The following MAP2K5 variants were observed in gnomAD, a reference collection of about 807,000 sequenced individuals.
The protein encoded by MAP2K5 is mitogen-activated protein kinase kinase 5.
In MAP2K5, 49 loss-of-function variants were observed where a neutral mutation model predicts 83.1. That is an observed-to-expected ratio of 0.59 (90% CI 0.47 to 0.75). The LOEUF is 0.75. Among genes scored for constraint, MAP2K5 ranks in the 30% least tolerant of loss-of-function variants. The pLI is 0.00. For synonymous variants in MAP2K5, 202 were observed against 191.8 expected (o/e 1.05, Z -0.44); for missense variants, 457 against 557.5 (o/e 0.82, Z 1.82).
At position 67,778,754 on chromosome 15, in the gene MAP2K5, C is replaced by A. The variant is rs1328634177; in HGVS notation, c.1242+6002C>A. On this transcript the variant is annotated intron_variant, in intron 21 of 21. Transcript: ENST00000178640. This position sits in a 1 kb window ranked among gnomAD's most constrained non-coding sequence, Gnocchi z 5.0. ...AATTCAAAATGATCACCACATTCTACTAAACATGCCAAAGATAAGTTTCGG... is the reference window on the plus strand; with the variant it reads ...AATTCAAAATGATCACCACATTCTAATAAACATGCCAAAGATAAGTTTCGG... Among the ~76,000 whole-genome samples, 1 of 152,190 alleles carries A rather than the reference C, an allele frequency of 6.6e-6. No individual in the cohort carries two copies. The highest frequency in any genetic ancestry group is 1.5e-5 in the Non-Finnish European group (1 of 68,028).
At chr15:67,547,479 A>T (rs1361533924) in intron 1 of MAP2K5, among the ~76,000 whole-genome samples, 2 of 143,644 alleles carry the variant, frequency 1.4e-5, no homozygotes, top group Non-Finnish European at 3.0e-5. Flanking sequence ...TTTTTGAGAC[A>T]GAGTCTCGCT....
Position 67,768,049 on chromosome 15 carries a change from G to A in MAP2K5, c.1135-1553G>A, listed in dbSNP as rs968605658. Among the ~76,000 whole-genome samples the A allele has an allele frequency of 2.0e-5, 3 of 151,958 alleles. No individual in the cohort carries two copies. The highest frequency in any genetic ancestry group is 6.6e-5 in the Admixed American group (1 of 15,258). On this transcript the variant is annotated intron_variant, in intron 19 of 21. Coordinates refer to ENST00000178640, the MANE Select transcript of MAP2K5 (RefSeq NM_145160.3). This position sits in a 1 kb window ranked among gnomAD's most constrained non-coding sequence, Gnocchi z 4.0. ...ATGTTTCTTTTCTTGTAGCCTCTTC[G>A]GTGTTTTTTGTTGTCTGTTTTTTGT... is the stretch of plus-strand genomic sequence containing the variant.
chr15:67,757,639 C>G lies in MAP2K5; in HGVS notation c.1134+9038C>G, dbSNP rs953991973. On this transcript the variant is annotated intron_variant, in intron 19 of 21. Transcript: ENST00000178640. The surrounding 1 kb of genome is among the most constrained non-coding windows in gnomAD (Gnocchi z 4.9). ...TTTCCACCATTAAAGAGCAGCTACC[C>G]TAGTCAGGGAGGCAGACAAGTAAAC... Among the ~76,000 whole-genome samples the G allele has an allele frequency of 1.4e-4, 22 of 152,044 alleles. 1 individual carries two copies. The highest frequency in any genetic ancestry group is 1.5e-5 in the Non-Finnish European group (1 of 68,024).
chr15:67,590,945 A>G (rs748732721), intron 6 of MAP2K5, among the ~76,000 whole-genome samples: 9 of 152,196 alleles, frequency 5.9e-5, no homozygotes, highest in Non-Finnish European at 1.3e-4. Flanking sequence ...CTGTGTTCTC[A>G]GGGAGCTCCC....
chr15:67,804,418 C>T (rs1185115550), intron 21 of MAP2K5, among the ~76,000 whole-genome samples: 1 of 152,218 alleles, frequency 6.6e-6, no homozygotes, highest in Non-Finnish European at 1.5e-5. Context: ...TACAACATGC[C>T]TCAGCAGCAG....
chr15:67,718,712 C>T (rs957897889), intron 16 of MAP2K5, among the ~76,000 whole-genome samples: 4 of 152,034 alleles, frequency 2.6e-5, no homozygotes, highest in Non-Finnish European at 4.4e-5. Context: ...TGCAGTGAGC[C>T]GAGATCATGC....
chr15:67,806,965 C>T lies in MAP2K5; in HGVS notation c.*215C>T. ...CCCCATACCTTCTGGTTTGAAGGCGCTGACACTGGCAGAGAGGTAAAGGGT... is the reference window on the plus strand; with the variant it reads ...CCCCATACCTTCTGGTTTGAAGGCGTTGACACTGGCAGAGAGGTAAAGGGT... On this transcript the variant is annotated 3_prime_UTR_variant, in exon 22 of 22. Transcript: ENST00000178640. The T allele has an allele frequency of 2.6e-6, 4 of 1,535,768 alleles. No homozygotes were observed. Among genetic ancestry groups the T allele is most frequent in the Non-Finnish European group, 3.5e-6 (4 of 1,146,366 alleles).
rs145461029 is a variant in MAP2K5, at chr15:67,804,857, C to T, written c.1243-1789C>T. Among the ~76,000 whole-genome samples, 475 of 152,276 alleles carry T rather than the reference C, an allele frequency of 3.1e-3. 2 individuals carry two copies. Among genetic ancestry groups the T allele is most frequent in the African/African-American group, 0.011 (457 of 41,554 alleles). On this transcript the variant is annotated intron_variant, in intron 21 of 21. Transcript: ENST00000178640. ...GGAAGGATTTCCTCTGTCTAGGCAG[C>T]GATTTGGGAAAGCAGCCGTGGGGTG...
At chr15:67,639,030 G>A (rs2086659943) in intron 9 of MAP2K5, among the ~76,000 whole-genome samples, 1 of 152,112 alleles carries the variant, frequency 6.6e-6, no homozygotes, top group Non-Finnish European at 1.5e-5. Context: ...AACCCTGGAA[G>A]GCAACCTAGG....
At chr15:67,597,742 A>G (rs1283878268) in intron 7 of MAP2K5, among the ~76,000 whole-genome samples, 1 of 152,160 alleles carries the variant, frequency 6.6e-6, no homozygotes, top group Non-Finnish European at 1.5e-5. Context: ...AGCCCATTTG[A>G]TAAGAGATAT....
At chr15:67,544,251 C>T (rs72747493) in intron 1 of MAP2K5, among the ~76,000 whole-genome samples, 18,499 of 152,172 alleles carry the variant, frequency 0.12, 1,234 homozygotes, top group East Asian at 0.2. Flanking sequence ...AAATGCTAAC[C>T]ATGACAGTAT....
Position 67,668,062 on chromosome 15 carries a change from T to C in MAP2K5, c.847+3417T>C, listed in dbSNP as rs909178924. ...GGAAATTGAAGCACAGCAGTTGCTA[T>C]TCATAATGGATCATCAAATGTTATA... On this transcript the variant is annotated intron_variant, in intron 13 of 21. Transcript: ENST00000178640. This position sits in a 1 kb window ranked among gnomAD's most constrained non-coding sequence, Gnocchi z 4.0. 6.6e-6 allele frequency among the ~76,000 whole-genome samples: 1 copy of C among 152,212 alleles called. No homozygotes were observed. Among genetic ancestry groups the C allele is most frequent in the African/African-American group, 2.4e-5 (1 of 41,464 alleles).
intron 8 of MAP2K5, among the ~76,000 whole-genome samples, chr15:67,614,217 A>G (rs1383556178): frequency 4.6e-5 from 7 of 152,220 alleles, no homozygotes; most frequent in African/African-American, 1.7e-4. Context: ...TTCCTTGTCT[A>G]TAAAGTGGTG....
intron 21 of MAP2K5, among the ~76,000 whole-genome samples, chr15:67,788,339 C>T (rs780239184): frequency 5.3e-5 from 8 of 152,202 alleles, no homozygotes; most frequent in Non-Finnish European, 8.8e-5. Context: ...CACTCACCTC[C>T]TTGTATCACT....
rs201575748 is a variant in MAP2K5, at chr15:67,572,705, TA to T, written c.253-8048del. Among the ~76,000 whole-genome samples, 23 of 124,486 alleles carry T rather than the reference TA, an allele frequency of 1.8e-4. No homozygotes were observed. Among genetic ancestry groups the T allele is most frequent in the East Asian group, 3.9e-4 (1 of 2,572 alleles). The allele number at this position is 124,486 out of a possible 152,430, so 81.7% of individuals were successfully genotyped here. ...TTGCAAGAATTGATATTATTATTAT[TA>T]TTTTTTTTTTTGAGATGGAGTCTTG... On this transcript the variant is annotated intron_variant, in intron 3 of 21. Transcript: ENST00000178640. The surrounding 1 kb of genome is among the most constrained non-coding windows in gnomAD (Gnocchi z 4.2).
At chr15:67,614,456 C>T (rs2086007665) in intron 8 of MAP2K5, among the ~76,000 whole-genome samples, 1 of 152,120 alleles carries the variant, frequency 6.6e-6, no homozygotes, top group South Asian at 2.1e-4. Flanking sequence ...AGAGAGTTTC[C>T]TAGCTAGTCA....
chr15:67,574,065 C>A (rs1250780867), intron 3 of MAP2K5, among the ~76,000 whole-genome samples: 2 of 152,140 alleles, frequency 1.3e-5, no homozygotes, highest in Non-Finnish European at 2.9e-5. Context: ...TAGAATTACC[C>A]CAAATTCTTT....
At position 67,655,772 on chromosome 15, in the gene MAP2K5, GT is replaced by G. The variant is rs1250384651; in HGVS notation, c.737-2778del. ...CACTTTTTAAAATCAAATTTAGGAA[GT>G]TTGGGGTCATTGTTTTCTGAAATAT... is the stretch of plus-strand genomic sequence containing the variant. On this transcript the variant is annotated intron_variant, in intron 11 of 21. Transcript: ENST00000178640. 4.6e-5 allele frequency among the ~76,000 whole-genome samples: 7 copies of G among 151,614 alleles called. No homozygotes were observed. In the East Asian group the frequency reaches 1.4e-3, roughly 29 times the overall value.
At chr15:67,591,752 C>A in intron 6 of MAP2K5, among the ~76,000 whole-genome samples, 1 of 152,010 alleles carries the variant, frequency 6.6e-6, no homozygotes, top group Non-Finnish European at 1.5e-5. Context: ...GGTAGATATT[C>A]ACGGGTATAA....
Sources: gnomAD v4.1 joint callset for allele counts (sites outside exome capture counted in the v4.1 genomes callset) on GRCh38, gnomAD v4.1.1 for gene constraint, Gnocchi (gnomAD v3.1) non-coding constraint, MANE v1.5 for transcripts, NCBI Gene and HGNC (gene_info 2026-07-23, HGNC 2026-07-21) for gene names.